Variants in GMCL1 observed in about 807,000 individuals in gnomAD.
GMCL1 encodes the protein germ cell-less protein-like 1.
GMCL1 carries 54 observed loss-of-function variants against 75.5 expected under a neutral mutation model. The observed-to-expected ratio is 0.71, with a 90% CI of 0.57 to 0.90. The LOEUF is 0.90. Among genes scored for constraint, GMCL1 ranks in the 40% least tolerant of loss-of-function variants. The pLI is 0.00. For synonymous variants in GMCL1, 210 were observed against 209.6 expected, an observed-to-expected ratio of 1.00 and a Z score of -0.02; for missense variants, 537 against 622.7, an observed-to-expected ratio of 0.86 and a Z score of 1.47.
chr2:69,845,390 T>A (rs1675110636), intron 6 of GMCL1, among the ~76,000 whole-genome samples: 1 of 152,280 alleles, frequency 6.6e-6, no homozygotes, highest in South Asian at 2.1e-4. Context: ...ACAAGAAATA[T>A]GGCGGTGACA....
chr2:69,834,356 A>G (rs1007988108), intron 1 of GMCL1, among the ~76,000 whole-genome samples: 3 of 152,082 alleles, frequency 2.0e-5, no homozygotes, highest in Admixed American at 2.0e-4. Flanking sequence ...TGAATCCACT[A>G]TTTTGTGTAG....
At chr2:69,877,181 A>C (rs6752271) in intron 13 of GMCL1, among the ~76,000 whole-genome samples, 8,230 of 152,276 alleles carry the variant, frequency 0.054, 735 homozygotes, top group African/African-American at 0.19. Context: ...TTCAATGCAA[A>C]TGTAGATGCA....
intron 9 of GMCL1, among the ~76,000 whole-genome samples, chr2:69,855,752 C>T (rs1320958069): frequency 1.3e-5 from 2 of 152,120 alleles, no homozygotes; most frequent in Non-Finnish European, 2.9e-5. Context: ...CTGTTTAAGT[C>T]ACAAATTCTC....
chr2:69,877,377 C>T (rs898848969), intron 13 of GMCL1, among the ~76,000 whole-genome samples: 2 of 152,186 alleles, frequency 1.3e-5, no homozygotes, highest in Non-Finnish European at 2.9e-5. Context: ...TTCCCTGCCT[C>T]AATCTTAACT....
intron 3 of GMCL1, among the ~76,000 whole-genome samples, chr2:69,840,558 A>G (rs1674955022): frequency 6.6e-6 from 1 of 152,178 alleles, no homozygotes; most frequent in Admixed American, 6.5e-5. Context: ...CACATTTCTC[A>G]GTGGTGGAGT....
rs756135212 is a variant in GMCL1, at chr2:69,868,887, G to A, written c.1219-832G>A. On this transcript the variant is annotated intron_variant, in intron 11 of 13. Coordinates refer to ENST00000282570, the MANE Select transcript of GMCL1 (RefSeq NM_178439.5). ...TCCCAGCGCTTTGGGAGGCCGAGGC[G>A]TGTGGATCACAAGGTCAGCAGTTCA... Among the ~76,000 whole-genome samples the A allele has an allele frequency of 1.4e-4, 21 of 150,996 alleles. No individual in the cohort carries two copies. In the East Asian group the frequency reaches 2.8e-3, roughly 20 times the overall value.
chr2:69,861,268 T>G lies in GMCL1; in HGVS notation c.1073-10T>G. 6.4e-7 allele frequency: 1 copy of G among 1,572,072 alleles called. No homozygotes were observed. The highest frequency in any genetic ancestry group is 8.7e-7 in the Non-Finnish European group (1 of 1,147,558). ...TTATTTATTATTATTAATTTATTCT[T>G]ACATTTCAGAATGGCTCTCTTCTGT... On this transcript the variant is annotated splice_polypyrimidine_tract_variant and intron_variant, in intron 9 of 13. Coordinates refer to ENST00000282570, the MANE Select transcript of GMCL1 (RefSeq NM_178439.5).
chr2:69,841,181 A>G, intron 4 of GMCL1, 142 bp downstream of exon 4: 1 of 596,190 alleles, frequency 1.7e-6, no homozygotes, highest in Non-Finnish European at 2.9e-6. Context: ...TTTATTATAA[A>G]TCATTTAAAA....
intron 1 of GMCL1, 150 bp from the exon 2 acceptor site, chr2:69,837,396 GA>G: frequency 1.6e-6 from 1 of 640,810 alleles, no homozygotes; most frequent in Non-Finnish European, 2.4e-6. Flanking sequence ...AAGAAAATTT[GA>G]ATATATACTA....
intron 4 of GMCL1, 197 bp from the exon 5 acceptor site, chr2:69,842,952 A>G (rs1265198557): frequency 5.7e-6 from 2 of 353,096 alleles, no homozygotes; most frequent in Non-Finnish European, 1.0e-5. Context: ...TTAGTTGAAT[A>G]CTTGCTGAAC....
chr2:69,843,575 G>A (rs1346916661), intron 5 of GMCL1, among the ~76,000 whole-genome samples: 1 of 152,066 alleles, frequency 6.6e-6, no homozygotes, highest in Non-Finnish European at 1.5e-5. Context: ...GATCACTTGG[G>A]CCCAGGAGAT....
intron 11 of GMCL1, among the ~76,000 whole-genome samples, chr2:69,868,591 T>G (rs1249313882): frequency 6.6e-6 from 1 of 151,100 alleles, no homozygotes; most frequent in African/African-American, 2.4e-5. Context: ...TTTTGTATTT[T>G]TAGTAGAGAT....
intron 8 of GMCL1, 79 bp from the exon 9 acceptor site, chr2:69,854,744 C>G: frequency 8.7e-6 from 10 of 1,144,100 alleles, no homozygotes; most frequent in Non-Finnish European, 1.3e-5. Context: ...CATGAATGTA[C>G]GTATCCCCCG....
chr2:69,865,839 A>G (rs1675800779), intron 11 of GMCL1, among the ~76,000 whole-genome samples: 1 of 152,080 alleles, frequency 6.6e-6, no homozygotes, highest in Non-Finnish European at 1.5e-5. Flanking sequence ...GCGTGACCAC[A>G]GCTCACTGCA....
At chr2:69,845,912 A>G (rs924991610) in intron 6 of GMCL1, among the ~76,000 whole-genome samples, 4 of 151,954 alleles carry the variant, frequency 2.6e-5, no homozygotes, top group African/African-American at 4.8e-5. Flanking sequence ...GTACAAAACC[A>G]AAGTCAAACA....
chr2:69,843,826 T>G (rs1175871650), intron 5 of GMCL1, among the ~76,000 whole-genome samples: 7 of 152,188 alleles, frequency 4.6e-5, no homozygotes, highest in African/African-American at 7.2e-5. Context: ...CTTCTAACTC[T>G]TGAGAGTTGC....
At chr2:69,834,434 T>C (rs1351570305) in intron 1 of GMCL1, among the ~76,000 whole-genome samples, 1 of 152,224 alleles carries the variant, frequency 6.6e-6, no homozygotes, top group African/African-American at 2.4e-5. Flanking sequence ...CAAGGAAGGG[T>C]GCAAAAGGGG....
In GMCL1 at chr2:69,830,143, C is replaced by T. The variant is rs1485509301; in HGVS notation, c.251C>T (p.Thr84Ile). 1.3e-6 allele frequency: 2 copies of T among 1,564,706 alleles called. No homozygotes were observed. The highest frequency in any genetic ancestry group is 2.4e-5 in the East Asian group (1 of 42,416). The part of the protein sequence containing the change: ...EGDEQQRLLN[T>I]PRRKKLKSTS... ...GACGAGCAGCAGCGGCTCCTCAACACCCCTCGAAGGTACGTGGGGGCACGC... is the reference window on the plus strand; with the variant it reads ...GACGAGCAGCAGCGGCTCCTCAACATCCCTCGAAGGTACGTGGGGGCACGC... Residue 84 changes from threonine to isoleucine, a missense_variant, in exon 1 of 14, where the codon ACC becomes ATC. Thr to Ile is a moderately conservative substitution (Grantham distance 89). This residue lies in a region of GMCL1 where 144 missense variants were observed against 127.2 expected (regional missense o/e 1.13). Coordinates refer to ENST00000282570, the MANE Select transcript of GMCL1 (RefSeq NM_178439.5).
At chr2:69,849,522 G>A in intron 7 of GMCL1, 130 bp from the exon 8 acceptor site, 1 of 566,662 alleles carries the variant, frequency 1.8e-6, no homozygotes. Flanking sequence ...TTTCTTTCTT[G>A]CAATTGCTGG....
Sources: allele counts gnomAD v4.1 joint callset (sites outside exome capture counted in the v4.1 genomes callset), GRCh38; gene constraint gnomAD v4.1.1; regional missense constraint gnomAD v4.1.1; transcripts MANE v1.5; gene names NCBI Gene and HGNC (gene_info 2026-07-23, HGNC 2026-07-21).